NRXN3: variants seen among roughly 807,000 people sequenced by gnomAD.
NRXN3 encodes neurexin 3.
In NRXN3, 32 loss-of-function variants were observed where a neutral mutation model predicts 137.6. That is an observed-to-expected ratio of 0.23 (90% CI 0.18 to 0.31). The LOEUF is 0.31. Among genes scored for constraint, NRXN3 ranks in the 10% least tolerant of loss-of-function variants. NRXN3 has a pLI of 1.00. For missense variants in NRXN3, 1,574 were observed against 2,062.5 expected (o/e 0.76, Z 4.59); for synonymous variants, 798 against 784.5 (o/e 1.02, Z -0.29).
At chr14:78,510,059 T>TA (rs1567797721) in intron 4 of NRXN3, among the ~76,000 whole-genome samples, 4 of 148,376 alleles carry the variant, frequency 2.7e-5, no homozygotes, top group South Asian at 2.1e-4. Flanking sequence ...TATATATATA[T>TA]TTTGGCAATG....
At chr14:78,609,451 A>G (rs1469381630) in intron 4 of NRXN3, among the ~76,000 whole-genome samples, 1 of 152,212 alleles carries the variant, frequency 6.6e-6, no homozygotes, top group Non-Finnish European at 1.5e-5. Context: ...GTTTGGGACT[A>G]AGAAGGAAAT....
intron 10 of NRXN3, among the ~76,000 whole-genome samples, chr14:78,903,727 C>T (rs948413355): frequency 9.9e-5 from 15 of 151,954 alleles, no homozygotes; most frequent in Non-Finnish European, 2.2e-4. Flanking sequence ...ACTTATATGA[C>T]TTTTTGGACC....
rs2152435903 is a variant in NRXN3 at position 79,019,880 on chromosome 14, G to A, written c.3262+31739G>A. 2.0e-5 allele frequency among the ~76,000 whole-genome samples: 3 copies of A among 152,240 alleles called. No homozygotes were observed. In the South Asian group the frequency reaches 6.2e-4, roughly 32 times the overall value. Reference sequence around the variant, plus strand: ...AAACCAAGACAGGACTGTAACCAGAGAGAGAAATGGATTGAAAGGGGAGTT... The same window carrying A: ...AAACCAAGACAGGACTGTAACCAGAAAGAGAAATGGATTGAAAGGGGAGTT... On this transcript the variant is annotated intron_variant, in intron 15 of 20. Coordinates refer to ENST00000335750, the MANE Select transcript of NRXN3 (RefSeq NM_001330195.2).
At chr14:79,031,098 T>C (rs1386446192) in intron 15 of NRXN3, among the ~76,000 whole-genome samples, 1 of 152,158 alleles carries the variant, frequency 6.6e-6, no homozygotes, top group Non-Finnish European at 1.5e-5. Flanking sequence ...TCTCTTTCTA[T>C]AAGCAGGATT....
At chr14:79,231,351 A>C (rs1158645291) in intron 15 of NRXN3, among the ~76,000 whole-genome samples, 1 of 152,250 alleles carries the variant, frequency 6.6e-6, no homozygotes, top group African/African-American at 2.4e-5. Context: ...ATTTCTCCTA[A>C]GTTTCAGTCT....
At chr14:79,781,816 A>G (rs1003262769) in intron 19 of NRXN3, among the ~76,000 whole-genome samples, 1 of 152,188 alleles carries the variant, frequency 6.6e-6, no homozygotes, top group African/African-American at 2.4e-5. Flanking sequence ...GATTATTCTT[A>G]TTGTTTTACT....
chr14:78,773,705 C>T lies in NRXN3; in HGVS notation c.2045-29915C>T, dbSNP rs964936964. On this transcript the variant is annotated intron_variant, in intron 8 of 20. Transcript: ENST00000335750. ...CCCTTCCTCAGTGTTTTGACATCTT[C>T]GCCAGCCTGAGAAACTAAAACACAA... 3.9e-5 allele frequency among the ~76,000 whole-genome samples: 6 copies of T among 152,114 alleles called. No individual in the cohort carries two copies. The South Asian group carries it at 8.3e-4, about 21-fold the overall frequency.
At chr14:78,199,598 A>T (rs971639) in intron 1 of NRXN3, among the ~76,000 whole-genome samples, 131,570 of 152,176 alleles carry the variant, frequency 0.86, 57,055 homozygotes, top group East Asian at 0.92. Flanking sequence ...CCAGGTGAAC[A>T]GGCATAATGT....
intron 8 of NRXN3, among the ~76,000 whole-genome samples, chr14:78,788,275 G>A (rs377370963): frequency 0.051 from 348 of 6,880 alleles, 2 homozygotes; most frequent in African/African-American, 0.053. Context: ...CATGTACTGA[G>A]CATGGTATTA....
intron 4 of NRXN3, among the ~76,000 whole-genome samples, chr14:78,491,034 G>C (rs2153749463): frequency 6.6e-6 from 1 of 152,162 alleles, no homozygotes; most frequent in South Asian, 2.1e-4. Flanking sequence ...ACTCTCCAAG[G>C]GTGTTTCGAC....
At chr14:79,825,528 C>A (rs1344122792) in intron 20 of NRXN3, among the ~76,000 whole-genome samples, 2 of 152,136 alleles carry the variant, frequency 1.3e-5, no homozygotes, top group Non-Finnish European at 2.9e-5. Context: ...CTCCTCAACC[C>A]CAGCATGGAG....
At chr14:78,965,637 G>A (rs2099416044) in intron 11 of NRXN3, among the ~76,000 whole-genome samples, 1 of 152,186 alleles carries the variant, frequency 6.6e-6, no homozygotes, top group Admixed American at 6.5e-5. Flanking sequence ...AAAATACTTG[G>A]TAGTGATGCC....
At chr14:79,045,404 G>A (rs1039914423) in intron 15 of NRXN3, among the ~76,000 whole-genome samples, 9 of 152,160 alleles carry the variant, frequency 5.9e-5, no homozygotes, top group African/African-American at 2.2e-4. Context: ...TGATGGGACT[G>A]TAAAGAATAA....
chr14:79,595,773 T>C (rs2097852814), intron 16 of NRXN3, among the ~76,000 whole-genome samples: 4 of 152,228 alleles, frequency 2.6e-5, no homozygotes, highest in Non-Finnish European at 5.9e-5. Context: ...ATTATTACAA[T>C]TAATTTAACA....
At chr14:78,840,583 A>C (rs2099009589) in intron 10 of NRXN3, among the ~76,000 whole-genome samples, 1 of 152,114 alleles carries the variant, frequency 6.6e-6, no homozygotes, top group Non-Finnish European at 1.5e-5. Flanking sequence ...GGTTGGCAAG[A>C]GTATGCTTTG....
At chr14:79,714,036 T>G (rs2098815269) in intron 19 of NRXN3, among the ~76,000 whole-genome samples, 1 of 152,162 alleles carries the variant, frequency 6.6e-6, no homozygotes, top group South Asian at 2.1e-4. Context: ...CATAATATAT[T>G]TATTTACTTT....
chr14:79,691,491 T>C (rs753864076), intron 17 of NRXN3, among the ~76,000 whole-genome samples: 9 of 152,024 alleles, frequency 5.9e-5, no homozygotes, highest in Non-Finnish European at 1.2e-4. Context: ...TCCTTTGACA[T>C]TTGAGTTTCC....
intron 15 of NRXN3, among the ~76,000 whole-genome samples, chr14:79,189,141 T>C (rs1018477788): frequency 6.6e-6 from 1 of 151,846 alleles, no homozygotes; most frequent in Non-Finnish European, 1.5e-5. Context: ...CCAACCCAAA[T>C]GTCCAACAAT....
chr14:79,756,050 C>A (rs1011515177), intron 19 of NRXN3, among the ~76,000 whole-genome samples: 13 of 152,072 alleles, frequency 8.5e-5, no homozygotes, highest in Non-Finnish European at 1.8e-4. Context: ...TGGTAATTCT[C>A]TTGTAGGGAC....
Sources: allele counts gnomAD v4.1 joint callset (sites outside exome capture counted in the v4.1 genomes callset), GRCh38; gene constraint gnomAD v4.1.1; transcripts MANE v1.5; gene names NCBI Gene and HGNC (gene_info 2026-07-23, HGNC 2026-07-21).